Variants in MTUS2 observed in about 807,000 individuals in gnomAD.
MTUS2 encodes the protein microtubule-associated tumor suppressor candidate 2.
Under a neutral mutation model 114.1 loss-of-function variants are expected in MTUS2, and 40 were observed. That is an observed-to-expected ratio of 0.35 (90% CI 0.27 to 0.46). MTUS2 has a LOEUF of 0.46. Among genes scored for constraint, MTUS2 ranks in the 20% least tolerant of loss-of-function variants. The pLI, the probability that MTUS2 is intolerant of heterozygous loss-of-function variation, is 1.00. For missense variants in MTUS2, 1,679 were observed against 1,705.4 expected (o/e 0.98, Z 0.27); for synonymous variants, 688 against 672.0 (o/e 1.02, Z -0.37).
intron 2 of MTUS2, among the ~76,000 whole-genome samples, chr13:28,914,028 AT>A (rs1880605843): frequency 6.6e-6 from 1 of 151,752 alleles, no homozygotes; most frequent in African/African-American, 2.4e-5. Flanking sequence ...CTAGCAGTCT[AT>A]TTTATTAATT....
chr13:29,057,902 C>T (rs1190986463), intron 4 of MTUS2, among the ~76,000 whole-genome samples: 2 of 151,868 alleles, frequency 1.3e-5, no homozygotes, highest in African/African-American at 4.8e-5. Context: ...TGTCAATGGT[C>T]TATGTTCTTT....
rs1281682944 is a variant in MTUS2, at chr13:29,020,515, C to T, written c.-242-3942C>T. 2.0e-5 allele frequency among the ~76,000 whole-genome samples: 3 copies of T among 152,232 alleles called. 1 individual carries two copies. Among genetic ancestry groups the T allele is most frequent in the Middle Eastern group, 6.8e-3 (2 of 294 alleles). ...TGAGGGAGCTGGAGTGAGGGAGACGCGTGAGGCCACATAAGGAGGAGGGAA... is the reference window on the plus strand; with the variant it reads ...TGAGGGAGCTGGAGTGAGGGAGACGTGTGAGGCCACATAAGGAGGAGGGAA... On this transcript the variant is annotated intron_variant, in intron 2 of 15. Coordinates refer to ENST00000612955, the MANE Select transcript of MTUS2 (RefSeq NM_001033602.4).
In MTUS2 at chr13:29,268,943, G is replaced by T. The variant is rs577419083; in HGVS notation, c.2645-12761G>T. Among the ~76,000 whole-genome samples, 12 of 151,994 alleles carry T rather than the reference G, an allele frequency of 7.9e-5. No homozygotes were observed. The East Asian group carries it at 2.1e-3, about 27-fold the overall frequency. On this transcript the variant is annotated intron_variant, in intron 5 of 15. Transcript: ENST00000612955. ...GACAGGGTCTCCCTATGTTTCCCAG[G>T]CTGGTCTCAAACTCCTGGCTCCAAG...
intron 5 of MTUS2, among the ~76,000 whole-genome samples, chr13:29,271,237 T>G (rs1897870167): frequency 6.6e-6 from 1 of 152,226 alleles, no homozygotes; most frequent in Admixed American, 6.5e-5. Flanking sequence ...AGGGCCTAAC[T>G]TGTACTTTCT....
intron 8 of MTUS2, among the ~76,000 whole-genome samples, chr13:29,360,688 ACCCC>A (rs57156729): frequency 4.6e-5 from 4 of 87,152 alleles, no homozygotes; most frequent in South Asian, 5.1e-4. Flanking sequence ...GTAGCCGAAC[ACCCC>A]CCCCCCCCCG....
chr13:29,316,799 G>A (rs1290754716), intron 6 of MTUS2, among the ~76,000 whole-genome samples: 1 of 152,188 alleles, frequency 6.6e-6, no homozygotes, highest in African/African-American at 2.4e-5. Flanking sequence ...GTTTGGACAG[G>A]TGTCAGGTGA....
At chr13:29,267,960 T>C (rs772548673) in intron 5 of MTUS2, among the ~76,000 whole-genome samples, 7 of 151,986 alleles carry the variant, frequency 4.6e-5, no homozygotes, top group Non-Finnish European at 8.8e-5. Flanking sequence ...AACTAAGAGA[T>C]CATTTAGAAT....
intron 4 of MTUS2, among the ~76,000 whole-genome samples, chr13:29,075,454 C>T (rs1415227384): frequency 6.6e-6 from 1 of 152,208 alleles, no homozygotes; most frequent in Non-Finnish European, 1.5e-5. Flanking sequence ...GTTTGGTTGT[C>T]TCAAGATCTC....
At chr13:28,894,064 G>A (rs1879084338) in intron 2 of MTUS2, among the ~76,000 whole-genome samples, 1 of 151,624 alleles carries the variant, frequency 6.6e-6, no homozygotes, top group Non-Finnish European at 1.5e-5. Context: ...GCTATCCCAC[G>A]CTGTTTAACT....
At chr13:28,829,875 C>T (rs1874542084) in intron 1 of MTUS2, among the ~76,000 whole-genome samples, 2 of 152,218 alleles carry the variant, frequency 1.3e-5, no homozygotes, top group African/African-American at 4.8e-5. Context: ...AGTCCCATGT[C>T]TGTATGTCCA....
intron 6 of MTUS2, among the ~76,000 whole-genome samples, chr13:29,293,783 A>G (rs1431033949): frequency 6.6e-6 from 1 of 152,198 alleles, no homozygotes; most frequent in Non-Finnish European, 1.5e-5. Flanking sequence ...CATGAATTAC[A>G]TGGAAAGATG....
At chr13:29,124,961 C>A (rs1195050762) in intron 5 of MTUS2, among the ~76,000 whole-genome samples, 1 of 152,128 alleles carries the variant, frequency 6.6e-6, no homozygotes, top group Non-Finnish European at 1.5e-5. Flanking sequence ...TACTGTTTAA[C>A]AGGTATAGAG....
chr13:29,257,766 A>C (rs1402969141), intron 5 of MTUS2, among the ~76,000 whole-genome samples: 40 of 152,236 alleles, frequency 2.6e-4, no homozygotes, highest in Admixed American at 2.6e-3. Flanking sequence ...CATTTTTACC[A>C]GAACCCATTT....
chr13:28,901,965 C>T lies in MTUS2; in HGVS notation c.-243+62115C>T, dbSNP rs183921256. Among the ~76,000 whole-genome samples, 431 of 152,220 alleles carry T rather than the reference C, an allele frequency of 2.8e-3. 2 individuals carry two copies. The highest frequency in any genetic ancestry group is 0.011 in the Admixed American group (161 of 15,282). ...TGACATCTTTACTATGTTGAATCTT[C>T]TATGAAAACAATATGCCTTTTTATT... is the stretch of plus-strand genomic sequence containing the variant. On this transcript the variant is annotated intron_variant, in intron 2 of 15. Transcript: ENST00000612955.
intron 4 of MTUS2, among the ~76,000 whole-genome samples, chr13:29,091,990 G>A (rs963719696): frequency 2.0e-5 from 3 of 152,160 alleles, no homozygotes; most frequent in Non-Finnish European, 4.4e-5. Flanking sequence ...ATCCTGATCC[G>A]GCACCTGTTG....
intron 5 of MTUS2, among the ~76,000 whole-genome samples, chr13:29,211,838 G>A (rs1895454637): frequency 6.6e-6 from 1 of 151,170 alleles, no homozygotes; most frequent in Non-Finnish European, 1.5e-5. Flanking sequence ...CTTTCAAAGG[G>A]TCTGTGGATT....
At chr13:29,375,515 C>CTA (rs1357812821) in intron 8 of MTUS2, among the ~76,000 whole-genome samples, 361 of 5,584 alleles carry the variant, frequency 0.065, 52 homozygotes, top group African/African-American at 0.087. Context: ...CACCAGCCTA[C>CTA]TATATATATA....
At chr13:29,059,228 A>ATTTTTTTTTTTTTTTTTTTTTTGGTT (rs35369352) in intron 4 of MTUS2, among the ~76,000 whole-genome samples, 1 of 97,128 alleles carries the variant, frequency 1.0e-5, no homozygotes, top group African/African-American at 4.0e-5. Flanking sequence ...TATTCTTTGG[A>ATTTTTTTTTTTTTTTTTTTTTTGGTT]TTTTTTTTTT....
At chr13:29,275,771 T>C (rs1393968818) in intron 5 of MTUS2, among the ~76,000 whole-genome samples, 1 of 152,232 alleles carries the variant, frequency 6.6e-6, no homozygotes, top group Non-Finnish European at 1.5e-5. Context: ...CATTCACCTA[T>C]TGATGGACAC....
Sources: allele counts gnomAD v4.1 joint callset (sites outside exome capture counted in the v4.1 genomes callset), GRCh38; gene constraint gnomAD v4.1.1; transcripts MANE v1.5; gene names NCBI Gene and HGNC (gene_info 2026-07-23, HGNC 2026-07-21).